PRRX2: variants seen among roughly 807,000 people sequenced by gnomAD.
PRRX2 encodes paired related homeobox 2, also known as paired mesoderm homeobox protein 2.
Under a neutral mutation model 18.0 loss-of-function variants are expected in PRRX2, and 11 were observed. The ratio of observed to expected loss-of-function variants is 0.61; its 90% confidence interval spans 0.39 to 1.01. The LOEUF (loss-of-function observed/expected upper bound fraction) is 1.01, where lower values mean the gene tolerates loss of function less well. PRRX2 is among the 50% of genes least tolerant of loss of function. The pLI, the probability that PRRX2 is intolerant of heterozygous loss-of-function variation, is 0.01. For missense variants in PRRX2, 387 were observed against 351.0 expected (o/e 1.10, Z -0.82); for synonymous variants, 177 against 154.8 (o/e 1.14, Z -1.06).
intron 1 of PRRX2, among the ~76,000 whole-genome samples, chr9:129,689,587 T>C (rs369643600): frequency 6.6e-6 from 1 of 152,102 alleles, no homozygotes; most frequent in African/African-American, 2.4e-5. Context: ...GCTGGTCTGA[T>C]GCGCAAAGAC....
chr9:129,682,204 T>G (rs1249301591), intron 1 of PRRX2, among the ~76,000 whole-genome samples: 1 of 152,112 alleles, frequency 6.6e-6, no homozygotes, highest in Non-Finnish European at 1.5e-5. Context: ...AACCTCAGTT[T>G]CTTGGTCTGT....
intron 2 of PRRX2, among the ~76,000 whole-genome samples, chr9:129,719,666 G>C (rs949033956): frequency 3.3e-5 from 5 of 152,226 alleles, no homozygotes; most frequent in Non-Finnish European, 5.9e-5. Flanking sequence ...CTTTGCTATA[G>C]GGGTCCTTCG....
chr9:129,677,747 C>T (rs1832178825), intron 1 of PRRX2, among the ~76,000 whole-genome samples: 1 of 152,250 alleles, frequency 6.6e-6, no homozygotes, highest in Non-Finnish European at 1.5e-5. Flanking sequence ...CGGGCCGCCC[C>T]ACCACCACAT....
intron 1 of PRRX2, among the ~76,000 whole-genome samples, chr9:129,701,392 T>G (rs1832494617): frequency 6.6e-6 from 1 of 152,220 alleles, no homozygotes; most frequent in African/African-American, 2.4e-5. Flanking sequence ...TCGAGGCACT[T>G]TAGGTGTTGC....
At chr9:129,711,685 A>G (rs1437079373) in intron 1 of PRRX2, among the ~76,000 whole-genome samples, 4 of 152,044 alleles carry the variant, frequency 2.6e-5, no homozygotes, top group Non-Finnish European at 5.9e-5. Flanking sequence ...CTGGGATTAC[A>G]GGCATGAGCC....
Position 129,720,737 on chromosome 9 carries a change from C to A in PRRX2, c.589C>A (p.Pro197Thr). The change falls in exon 3 of 4, where the codon CCA becomes ACA. Residue 197 changes from proline to threonine, a missense_variant. Transcript: ENST00000372469. ...GGCTCCCCGGCCCACCGCCCTGAGT[C>A]CAGATTATCTCTCCTGGACAGCCTC... is the stretch of plus-strand genomic sequence containing the variant. ...PVAPRPTALS[P>T]DYLSWTASSP... 6.2e-7 allele frequency: 1 copy of A among 1,610,890 alleles called. No individual in the cohort carries two copies. Among genetic ancestry groups the A allele is most frequent in the Non-Finnish European group, 8.5e-7 (1 of 1,178,634 alleles).
intron 1 of PRRX2, among the ~76,000 whole-genome samples, chr9:129,672,947 T>C (rs1832118425): frequency 6.6e-6 from 1 of 152,116 alleles, no homozygotes; most frequent in Non-Finnish European, 1.5e-5. Context: ...TCCGAACACC[T>C]ATAATGTGTC....
intron 1 of PRRX2, 92 bp downstream of exon 1, chr9:129,666,218 G>A: frequency 1.1e-6 from 1 of 925,420 alleles, no homozygotes; most frequent in Non-Finnish European, 1.3e-6. Context: ...CGGGGCGGGC[G>A]AAGATGCAGG....
At chr9:129,685,401 C>T (rs921469974) in intron 1 of PRRX2, among the ~76,000 whole-genome samples, 2 of 152,170 alleles carry the variant, frequency 1.3e-5, no homozygotes, top group Non-Finnish European at 2.9e-5. Flanking sequence ...GGGTCTCACT[C>T]TGTTGCCCAG....
chr9:129,710,247 C>T (rs1045990236), intron 1 of PRRX2, among the ~76,000 whole-genome samples: 9 of 152,134 alleles, frequency 5.9e-5, no homozygotes, highest in African/African-American at 1.2e-4. Flanking sequence ...CCTGGAACAG[C>T]GGCCGGGCAG....
At chr9:129,689,644 G>A (rs1349422877) in intron 1 of PRRX2, among the ~76,000 whole-genome samples, 5 of 151,936 alleles carry the variant, frequency 3.3e-5, no homozygotes, top group Admixed American at 6.6e-5. Flanking sequence ...CTGGCTGCAC[G>A]GTAGCATGAG....
intron 1 of PRRX2, among the ~76,000 whole-genome samples, chr9:129,693,229 T>C (rs1832382488): frequency 6.6e-6 from 1 of 152,204 alleles, no homozygotes; most frequent in South Asian, 2.1e-4. Flanking sequence ...TCCGTCCATT[T>C]TAAAATCAGG....
At chr9:129,717,252 T>G (rs566092156) in intron 1 of PRRX2, among the ~76,000 whole-genome samples, 1 of 152,202 alleles carries the variant, frequency 6.6e-6, no homozygotes, top group East Asian at 1.9e-4. Flanking sequence ...TTGTTTTTAG[T>G]AGAGATGGGG....
In PRRX2 at chr9:129,716,856, A is replaced by T. The variant is rs565037972; in HGVS notation, c.260-2375A>T. Among the ~76,000 whole-genome samples the T allele has an allele frequency of 4.6e-5, 7 of 152,304 alleles. No individual in the cohort carries two copies. The South Asian group carries it at 1.2e-3, about 27-fold the overall frequency. On this transcript the variant is annotated intron_variant, in intron 1 of 3. Coordinates refer to ENST00000372469, the MANE Select transcript of PRRX2 (RefSeq NM_016307.4). ...AGGGATAAAGGAAGAACTAACTCTT[A>T]AAATGGTTCCTGAAGGTAGGGGAGA... is the stretch of plus-strand genomic sequence containing the variant.
chr9:129,677,498 C>T (rs989890614), intron 1 of PRRX2, among the ~76,000 whole-genome samples: 1 of 152,198 alleles, frequency 6.6e-6, no homozygotes, highest in Admixed American at 6.5e-5. Context: ...GGGTTCCTCC[C>T]CACCTCCCGG....
At position 129,720,730 on chromosome 9, in the gene PRRX2, C is replaced by T; in HGVS notation, c.582C>T (p.Ala194=). The T allele has an allele frequency of 6.2e-7, 1 of 1,611,820 alleles. No individual in the cohort carries two copies. The highest frequency in any genetic ancestry group is 8.5e-7 in the Non-Finnish European group (1 of 1,179,120). The part of the protein sequence containing the change: ...IEQPVAPRPT[A]LSPDYLSWTA... ...AGCCCGTGGCTCCCCGGCCCACCGC[C>T]CTGAGTCCAGATTATCTCTCCTGGA... The change falls in exon 3 of 4, where the codon GCC becomes GCT. Residue 194 remains alanine (A), a synonymous_variant. Transcript: ENST00000372469.
chr9:129,686,970 A>T (rs1867098), intron 1 of PRRX2, among the ~76,000 whole-genome samples: 65,566 of 152,030 alleles, frequency 0.43, 14,966 homozygotes, highest in Non-Finnish European at 0.5. Context: ...AAGCAATTGC[A>T]GGCAGGCTCT....
chr9:129,684,482 T>TCACACACACACA (rs71385454), intron 1 of PRRX2, among the ~76,000 whole-genome samples: 10 of 43,244 alleles, frequency 2.3e-4, no homozygotes, highest in Non-Finnish European at 4.4e-4. Context: ...ATACCAGAAA[T>TCACACACACACA]CACACACACA....
intron 1 of PRRX2, among the ~76,000 whole-genome samples, chr9:129,672,274 G>A (rs548313466): frequency 6.6e-6 from 1 of 152,322 alleles, no homozygotes; most frequent in Admixed American, 6.5e-5. Context: ...GTGAGGGGAC[G>A]TGGTGAGAGT....
Sources: gnomAD v4.1 joint callset for allele counts (sites outside exome capture counted in the v4.1 genomes callset) on GRCh38, gnomAD v4.1.1 for gene constraint, MANE v1.5 for transcripts, NCBI Gene and HGNC (gene_info 2026-07-23, HGNC 2026-07-21) for gene names.